Variants in L3MBTL4 observed in about 807,000 individuals in gnomAD.
L3MBTL4 encodes the protein L3MBTL histone methyl-lysine binding protein 4.
A neutral mutation model predicts 84.5 loss-of-function variants in L3MBTL4; 70 were observed. That is an observed-to-expected ratio of 0.83 (90% CI 0.68 to 1.01). L3MBTL4 has a LOEUF of 1.01. Among genes scored for constraint, L3MBTL4 ranks in the 50% least tolerant of loss-of-function variants. The pLI, the probability that L3MBTL4 is intolerant of heterozygous loss-of-function variation, is 0.00. For synonymous variants in L3MBTL4, 274 were observed against 259.8 expected (o/e 1.05, Z -0.52); for missense variants, 715 against 754.8 (o/e 0.95, Z 0.62).
intron 16 of L3MBTL4, among the ~76,000 whole-genome samples, chr18:6,049,394 A>T (rs1313324428): frequency 1.3e-5 from 2 of 152,236 alleles, no homozygotes; most frequent in African/African-American, 4.8e-5. Flanking sequence ...AAACAAATCA[A>T]CAAGCAAAAA....
intron 14 of L3MBTL4, among the ~76,000 whole-genome samples, chr18:6,098,672 A>G (rs2058717454): frequency 6.6e-6 from 1 of 152,234 alleles, no homozygotes; most frequent in African/African-American, 2.4e-5. Context: ...AATTAGACAC[A>G]CAGACTGTAA....
intron 1 of L3MBTL4, among the ~76,000 whole-genome samples, chr18:6,350,615 A>C (rs2053136934): frequency 6.6e-6 from 1 of 152,144 alleles, no homozygotes; most frequent in Non-Finnish European, 1.5e-5. Flanking sequence ...TACCCTGTGC[A>C]TTGCAAGTGG....
intron 16 of L3MBTL4, among the ~76,000 whole-genome samples, chr18:5,975,720 G>C (rs759380064): frequency 2.6e-5 from 4 of 152,178 alleles, no homozygotes; most frequent in African/African-American, 4.8e-5. Context: ...AACAAGAGAG[G>C]CTTCACCATG....
chr18:6,119,375 C>T (rs1473910542), intron 14 of L3MBTL4, among the ~76,000 whole-genome samples: 1 of 152,158 alleles, frequency 6.6e-6, no homozygotes, highest in Non-Finnish European at 1.5e-5. Context: ...CACAGATTTT[C>T]CTCGTGCCCA....
chr18:5,965,800 G>A (rs1356890408), intron 17 of L3MBTL4, among the ~76,000 whole-genome samples: 1 of 152,162 alleles, frequency 6.6e-6, no homozygotes, highest in Non-Finnish European at 1.5e-5. Context: ...TTGTCCTCAG[G>A]GCATCTAGTT....
chr18:6,063,007 C>T (rs1462872971), intron 16 of L3MBTL4, among the ~76,000 whole-genome samples: 1 of 151,812 alleles, frequency 6.6e-6, no homozygotes, highest in Non-Finnish European at 1.5e-5. Context: ...CTCCCTGAGT[C>T]CCCAGAGTCC....
chr18:6,328,457 A>G (rs2051843309), intron 1 of L3MBTL4, among the ~76,000 whole-genome samples: 1 of 152,176 alleles, frequency 6.6e-6, no homozygotes, highest in South Asian at 2.1e-4. Flanking sequence ...GAATGTTCCT[A>G]ATATCACACC....
intron 1 of L3MBTL4, among the ~76,000 whole-genome samples, chr18:6,337,219 T>C (rs7227961): frequency 0.2 from 31,123 of 151,974 alleles, 4,177 homozygotes; most frequent in African/African-American, 0.39. Flanking sequence ...GAATCGACCT[T>C]TGAAGAGAAA....
chr18:5,962,708 C>G (rs188302840), intron 17 of L3MBTL4, among the ~76,000 whole-genome samples: 2 of 152,316 alleles, frequency 1.3e-5, no homozygotes, highest in East Asian at 3.9e-4. Flanking sequence ...GACCACAGCG[C>G]TGCAGGAAGC....
chr18:6,209,621 T>C (rs2046020711), intron 12 of L3MBTL4, among the ~76,000 whole-genome samples: 1 of 152,170 alleles, frequency 6.6e-6, no homozygotes, highest in South Asian at 2.1e-4. Flanking sequence ...AGTTATCATA[T>C]GACCCAGCAA....
At chr18:5,960,962 A>G (rs546645416) in intron 17 of L3MBTL4, among the ~76,000 whole-genome samples, 2 of 152,198 alleles carry the variant, frequency 1.3e-5, no homozygotes, top group Non-Finnish European at 2.9e-5. Context: ...TAGACTCCCA[A>G]CAGCAGAAAT....
Position 6,215,709 on chromosome 18 carries a change from C to T in L3MBTL4, c.870+41G>A, listed in dbSNP as rs181326242. 79 of 1,156,706 alleles carry T rather than the reference C, an allele frequency of 6.8e-5. No homozygotes were observed. In the African/African-American group the frequency reaches 7.9e-4, roughly 12 times the overall value. The allele number at this position is 1,156,706 out of a possible 1,614,324, so 71.7% of individuals were successfully genotyped here. On this transcript the variant is annotated intron_variant, in intron 11 of 18. Transcript: ENST00000317931. ...AAATGTAGGCATGACTCAATACAAA[C>T]GTTGTTTAAAGGTGAGAGTTTGTAC...
chr18:6,052,230 A>T (rs2056866454), intron 16 of L3MBTL4, among the ~76,000 whole-genome samples: 1 of 152,214 alleles, frequency 6.6e-6, no homozygotes, highest in Non-Finnish European at 1.5e-5. Context: ...ATGAATATAC[A>T]TAGCTACTGA....
At chr18:5,993,024 G>A (rs567823681) in intron 16 of L3MBTL4, among the ~76,000 whole-genome samples, 1 of 152,298 alleles carries the variant, frequency 6.6e-6, no homozygotes, top group East Asian at 1.9e-4. Context: ...ATGATGGGTT[G>A]GTGGAATGCA....
At chr18:6,109,952 A>T (rs2059138477) in intron 14 of L3MBTL4, among the ~76,000 whole-genome samples, 1 of 152,070 alleles carries the variant, frequency 6.6e-6, no homozygotes, top group Admixed American at 6.5e-5. Context: ...TAGACTCTGG[A>T]TCTGGACCAG....
intron 16 of L3MBTL4, among the ~76,000 whole-genome samples, chr18:6,077,679 C>G (rs1289995353): frequency 6.6e-6 from 1 of 151,734 alleles, no homozygotes; most frequent in African/African-American, 2.4e-5. Flanking sequence ...ATAACCTCCC[C>G]TCATAGAAGA....
chr18:6,248,832 C>T (rs1219467747), intron 5 of L3MBTL4, among the ~76,000 whole-genome samples: 2 of 152,146 alleles, frequency 1.3e-5, no homozygotes, highest in Non-Finnish European at 2.9e-5. Context: ...GCTCATTCAA[C>T]CTTCTTCTAT....
At chr18:6,170,003 A>G (rs1049442024) in intron 13 of L3MBTL4, among the ~76,000 whole-genome samples, 4 of 152,200 alleles carry the variant, frequency 2.6e-5, no homozygotes, top group African/African-American at 7.2e-5. Context: ...TTAATTGAGC[A>G]CATGCTACGG....
chr18:6,251,902 A>G (rs2047938729), intron 5 of L3MBTL4, among the ~76,000 whole-genome samples: 1 of 152,228 alleles, frequency 6.6e-6, no homozygotes, highest in Non-Finnish European at 1.5e-5. Context: ...AGAACACACG[A>G]CTACCAATTT....
Sources: gnomAD v4.1 joint callset for allele counts (sites outside exome capture counted in the v4.1 genomes callset) on GRCh38, gnomAD v4.1.1 for gene constraint, MANE v1.5 for transcripts, NCBI Gene and HGNC (gene_info 2026-07-23, HGNC 2026-07-21) for gene names.